Variants in SH3D19 observed in about 807,000 individuals in gnomAD.
SH3D19 encodes SH3 domain containing 19, also known as SH3 domain-containing protein 19.
A neutral mutation model predicts 112.1 loss-of-function variants in SH3D19; 58 were observed. The observed-to-expected ratio is 0.52, with a 90% confidence interval of 0.42 to 0.64. SH3D19 has a LOEUF of 0.64. Ranked by LOEUF, SH3D19 falls within the 30% of genes least tolerant of loss-of-function variation. SH3D19 has a pLI of 0.00. For missense variants in SH3D19, 1,090 were observed against 1,263.4 expected, an observed-to-expected ratio of 0.86 and a Z score of 2.08; for synonymous variants, 391 against 448.5, an observed-to-expected ratio of 0.87 and a Z score of 1.62.
chr4:151,296,145 A>T (rs1488996753), intron 1 of SH3D19, among the ~76,000 whole-genome samples: 1 of 152,206 alleles, frequency 6.6e-6, no homozygotes, highest in African/African-American at 2.4e-5. Context: ...ACTGTATGGT[A>T]TGCGATTTAT....
chr4:151,185,337 C>T (rs1334244100), intron 3 of SH3D19, among the ~76,000 whole-genome samples: 2 of 152,066 alleles, frequency 1.3e-5, no homozygotes, highest in African/African-American at 2.4e-5. Flanking sequence ...TGTCCTCAGA[C>T]GTCAGCGTCT....
Position 151,133,194 on chromosome 4 carries a change from C to T in SH3D19, c.2529G>A (p.Gln843=), listed in dbSNP as rs184665843. The T allele has an allele frequency of 5.0e-6, 8 of 1,614,154 alleles. No individual in the cohort carries two copies. The Admixed American group carries it at 6.7e-5, about 13-fold the overall frequency. The change falls in exon 16 of 20, where the codon CAG becomes CAA. Residue 843 remains glutamine (Q), a synonymous_variant. Coordinates refer to ENST00000604030, the MANE Select transcript of SH3D19 (RefSeq NM_001378122.1). ...CVARFEYIGE[Q]KDELSFSEGE... The stretch of plus-strand genomic sequence containing the variant: ...CCTCTGAGAAACTCAACTCATCCTT[C>T]TGCTCTCCAATATATTCAAACCGAG...
intron 2 of SH3D19, among the ~76,000 whole-genome samples, chr4:151,189,191 G>A (rs1370162856): frequency 1.3e-5 from 2 of 151,650 alleles, no homozygotes; most frequent in Non-Finnish European, 2.9e-5. Context: ...TCGGCTCACT[G>A]CCAGCTCTGC....
chr4:151,243,482 T>C (rs546155233), intron 1 of SH3D19, among the ~76,000 whole-genome samples: 1 of 152,382 alleles, frequency 6.6e-6, no homozygotes, highest in African/African-American at 2.4e-5. Context: ...AAGTGATCCC[T>C]GTCTCTTACA....
At chr4:151,222,492 T>C (rs1768225019) in intron 2 of SH3D19, among the ~76,000 whole-genome samples, 1 of 152,108 alleles carries the variant, frequency 6.6e-6, no homozygotes, top group African/African-American at 2.4e-5. Flanking sequence ...CATAATAACA[T>C]TTCTATTCTA....
At chr4:151,319,733 C>T (rs1730351580) in intron 1 of SH3D19, among the ~76,000 whole-genome samples, 1 of 152,210 alleles carries the variant, frequency 6.6e-6, no homozygotes. Flanking sequence ...AACTTACCCT[C>T]TTCCCTCTCA....
chr4:151,226,755 T>A (rs1769072647), intron 1 of SH3D19, among the ~76,000 whole-genome samples: 1 of 152,114 alleles, frequency 6.6e-6, no homozygotes, highest in African/African-American at 2.4e-5. Flanking sequence ...AATTATCTCA[T>A]CCAAAATGTC....
intron 3 of SH3D19, among the ~76,000 whole-genome samples, chr4:151,182,975 T>C (rs1761176396): frequency 6.6e-6 from 1 of 152,046 alleles, no homozygotes; most frequent in Non-Finnish European, 1.5e-5. Context: ...TTTTACAGAA[T>C]TATTTTCAAA....
intron 1 of SH3D19, among the ~76,000 whole-genome samples, chr4:151,231,413 G>A (rs1769598513): frequency 6.6e-6 from 1 of 152,112 alleles, no homozygotes. Flanking sequence ...AGAAGGCAGT[G>A]CTCATTCTAC....
At chr4:151,137,221 AC>A (rs1752054508) in intron 14 of SH3D19, among the ~76,000 whole-genome samples, 2 of 152,230 alleles carry the variant, frequency 1.3e-5, no homozygotes. Flanking sequence ...TGTGGGTACA[AC>A]CATTAATGAA....
chr4:151,226,180 C>A, intron 1 of SH3D19, 94 bp from the exon 2 acceptor site: 1 of 1,229,730 alleles, frequency 8.1e-7, no homozygotes, highest in Non-Finnish European at 1.0e-6. Flanking sequence ...TTAGATTTCA[C>A]AAAGGACTGT....
chr4:151,163,183 C>A (rs898935695), intron 8 of SH3D19, among the ~76,000 whole-genome samples: 2 of 152,184 alleles, frequency 1.3e-5, no homozygotes, highest in Admixed American at 6.5e-5. Context: ...AAGCTTGCAT[C>A]TGGTTTCCTC....
Position 151,161,619 on chromosome 4 carries a change from C to CATAT in SH3D19, c.1643-2271_1643-2268dup, listed in dbSNP as rs1002579947. The stretch of plus-strand genomic sequence containing the variant: ...CCTCACTTTGTTTTTGTCTTTTATA[C>CATAT]ATATATATATATATATATATATTTT... On this transcript the variant is annotated intron_variant, in intron 8 of 19. Coordinates refer to ENST00000604030, the MANE Select transcript of SH3D19 (RefSeq NM_001378122.1). Among the ~76,000 whole-genome samples the CATAT allele has an allele frequency of 3.0e-4, 44 of 144,446 alleles. 1 individual carries two copies. The South Asian group carries it at 8.8e-3, about 29-fold the overall frequency. The allele number at this position is 144,446 out of a possible 152,430, so 94.8% of individuals were successfully genotyped here. A position where few individuals can be genotyped will look rare whatever the true frequency, so the allele number is the denominator to read the frequency against.
At chr4:151,298,632 G>C (rs1728023221) in intron 1 of SH3D19, among the ~76,000 whole-genome samples, 2 of 119,276 alleles carry the variant, frequency 1.7e-5, no homozygotes, top group South Asian at 4.7e-4. Context: ...GGCAGGACTA[G>C]AGAAATAAAA....
chr4:151,245,557 C>T (rs1447534463), intron 1 of SH3D19, among the ~76,000 whole-genome samples: 1 of 152,126 alleles, frequency 6.6e-6, no homozygotes, highest in Non-Finnish European at 1.5e-5. Context: ...CATCTAAATT[C>T]AAATTTATTG....
At chr4:151,257,122 C>T (rs1050434804) in intron 1 of SH3D19, among the ~76,000 whole-genome samples, 2 of 151,504 alleles carry the variant, frequency 1.3e-5, no homozygotes, top group African/African-American at 4.9e-5. Context: ...AAGTCTTGCT[C>T]TGTTTTCCAG....
At chr4:151,256,532 A>G (rs1361776570) in intron 1 of SH3D19, among the ~76,000 whole-genome samples, 1 of 152,204 alleles carries the variant, frequency 6.6e-6, no homozygotes, top group Non-Finnish European at 1.5e-5. Flanking sequence ...GCATTCATTG[A>G]GAGACAATAT....
intron 1 of SH3D19, among the ~76,000 whole-genome samples, chr4:151,258,063 C>T (rs1772077727): frequency 6.6e-6 from 1 of 152,102 alleles, no homozygotes; most frequent in African/African-American, 2.4e-5. Context: ...TTCAAATGAA[C>T]AGGATATAAA....
chr4:151,277,304 T>C (rs1773725013), intron 1 of SH3D19: 1 of 1,142,054 alleles, frequency 8.8e-7, no homozygotes. Context: ...AATGTGACAC[T>C]TCACCCATGG....
Sources: gnomAD v4.1 joint callset for allele counts (sites outside exome capture counted in the v4.1 genomes callset) on GRCh38, gnomAD v4.1.1 for gene constraint, MANE v1.5 for transcripts, NCBI Gene and HGNC (gene_info 2026-07-23, HGNC 2026-07-21) for gene names.